The following MYOT variants were observed in gnomAD, a reference collection of about 807,000 sequenced individuals.
The protein encoded by MYOT is 57 kDa cytoskeletal protein.
In MYOT, 36 loss-of-function variants were observed where a neutral mutation model predicts 58.0. The ratio of observed to expected loss-of-function variants is 0.62; its 90% CI spans 0.48 to 0.82. The LOEUF is 0.82. MYOT is among the 40% of genes least tolerant of loss of function. The pLI is 0.00. For missense variants in MYOT, 505 were observed against 592.1 expected (o/e 0.85, Z 1.53); for synonymous variants, 218 against 204.6 (o/e 1.07, Z -0.56).
intron 2 of MYOT, among the ~76,000 whole-genome samples, chr5:137,873,295 G>C (rs1755107163): frequency 6.6e-6 from 1 of 151,554 alleles, no homozygotes; most frequent in Non-Finnish European, 1.5e-5. Context: ...GGGAGGCCAA[G>C]GTGGATGGAT....
chr5:137,871,106 C>A, intron 2 of MYOT, 99 bp downstream of exon 2: 1 of 1,028,858 alleles, frequency 9.7e-7, no homozygotes. Flanking sequence ...TCATTCTTTA[C>A]TATCTAAAAA....
At chr5:137,885,673 G>A (rs1223788892) in intron 7 of MYOT, among the ~76,000 whole-genome samples, 1 of 150,066 alleles carries the variant, frequency 6.7e-6, no homozygotes, top group East Asian at 2.0e-4. Context: ...TCAGGAGGCT[G>A]TGGCAGGAGA....
chr5:137,871,553 C>G (rs1361016594), intron 2 of MYOT, among the ~76,000 whole-genome samples: 1 of 152,018 alleles, frequency 6.6e-6, no homozygotes, highest in African/African-American at 2.4e-5. Flanking sequence ...GAACTCAGAC[C>G]CTGGAATGTA....
At chr5:137,873,576 T>C (rs1170361911) in intron 2 of MYOT, among the ~76,000 whole-genome samples, 1 of 152,028 alleles carries the variant, frequency 6.6e-6, no homozygotes, top group African/African-American at 2.4e-5. Flanking sequence ...ATTATAATTC[T>C]ATACGATTGA....
chr5:137,880,124 C>T (rs1215176752), intron 4 of MYOT, among the ~76,000 whole-genome samples: 1 of 152,130 alleles, frequency 6.6e-6, no homozygotes, highest in African/African-American at 2.4e-5. Flanking sequence ...CAGTGAAACG[C>T]AAAATACACA....
chr5:137,883,752 A>G (rs1204829837), intron 7 of MYOT, 161 bp downstream of exon 7: 1 of 643,102 alleles, frequency 1.6e-6, no homozygotes, highest in Non-Finnish European at 2.7e-6. Flanking sequence ...AGGAAAAAAT[A>G]TATATATATA....
chr5:137,873,749 T>C (rs1755121545), intron 2 of MYOT, among the ~76,000 whole-genome samples: 2 of 152,308 alleles, frequency 1.3e-5, no homozygotes, highest in East Asian at 3.9e-4. Context: ...TCTTAAGACC[T>C]GAAATGTCAG....
intron 7 of MYOT, 41 bp from the exon 8 acceptor site, chr5:137,886,007 T>G (rs771211277): frequency 1.5e-6 from 2 of 1,350,406 alleles, no homozygotes; most frequent in Non-Finnish European, 1.0e-6. Flanking sequence ...ATACCTTTTT[T>G]ATAATATTTC....
At chr5:137,883,738 C>A in intron 7 of MYOT, 147 bp downstream of exon 7, 2 of 695,098 alleles carry the variant, frequency 2.9e-6, no homozygotes, top group Non-Finnish European at 5.0e-6. Context: ...TATCTACAAA[C>A]CACAGGAAAA....
In MYOT at chr5:137,870,677, A is replaced by T; in HGVS notation, c.26A>T (p.His9Leu). The change falls in exon 2 of 10, where the codon CAC becomes CTC. Residue 9 changes from histidine to leucine, a missense_variant. Coordinates refer to ENST00000239926, the MANE Select transcript of MYOT (RefSeq NM_006790.3). Reference sequence around the variant, plus strand: ...ATGTTTAACTACGAACGTCCAAAACACTTCATCCAGTCCCAAAACCCATGT... The same window carrying T: ...ATGTTTAACTACGAACGTCCAAAACTCTTCATCCAGTCCCAAAACCCATGT... The part of the protein sequence containing the change: MFNYERPK[H>L]FIQSQNPCGS... The T allele has an allele frequency of 6.2e-7, 1 of 1,614,174 alleles. No individual in the cohort carries two copies. Among genetic ancestry groups the T allele is most frequent in the Non-Finnish European group, 8.5e-7 (1 of 1,180,030 alleles).
intron 3 of MYOT, among the ~76,000 whole-genome samples, chr5:137,876,938 T>A (rs1410757610): frequency 2.0e-5 from 3 of 151,972 alleles, no homozygotes; most frequent in African/African-American, 7.3e-5. Flanking sequence ...ACTTAGGAGA[T>A]CCTTATTTAA....
intron 7 of MYOT, among the ~76,000 whole-genome samples, chr5:137,884,262 G>A (rs146846248): frequency 3.3e-5 from 5 of 152,272 alleles, no homozygotes; most frequent in South Asian, 2.1e-4. Context: ...GGCTAAGGCA[G>A]GAGGATAACT....
chr5:137,887,605 A>G lies in MYOT; in HGVS notation c.*220A>G. On this transcript the variant is annotated 3_prime_UTR_variant, in exon 10 of 10. Transcript: ENST00000239926. ...AGGAAATCTGGGTATATGGATTTGT[A>G]ACTGCAGAAGACTATCTTAAAATAC... 1 of 251,476 alleles carries G rather than the reference A, an allele frequency of 4.0e-6. No individual in the cohort carries two copies. The allele number at this position is 251,476 out of a possible 1,614,324, so 15.6% of individuals were successfully genotyped here. A position where few individuals can be genotyped will look rare whatever the true frequency, so the allele number is the denominator to read the frequency against.
At chr5:137,885,076 A>G (rs1755552964) in intron 7 of MYOT, among the ~76,000 whole-genome samples, 1 of 152,220 alleles carries the variant, frequency 6.6e-6, no homozygotes, top group Admixed American at 6.5e-5. Context: ...CTACAATAGT[A>G]GAGCTGAAAG....
At chr5:137,878,298 A>G (rs1308610683) in intron 4 of MYOT, among the ~76,000 whole-genome samples, 1 of 151,572 alleles carries the variant, frequency 6.6e-6, no homozygotes, top group African/African-American at 2.4e-5. Context: ...GCACACTGCA[A>G]ACTCCACCTC....
intron 2 of MYOT, 117 bp downstream of exon 2, chr5:137,871,124 T>A: frequency 1.1e-6 from 1 of 874,374 alleles, no homozygotes; most frequent in Non-Finnish European, 1.8e-6. Context: ...AAAGGCAATG[T>A]GACCTTACAG....
intron 7 of MYOT, among the ~76,000 whole-genome samples, chr5:137,885,771 CAAAAAAAAAAAAAAAAAAAAAA>C (rs71583286): frequency 3.2e-5 from 1 of 30,974 alleles, no homozygotes; most frequent in African/African-American, 1.0e-4. Context: ...GACTCTGTCT[CAAAAAAAAAAAAAAAAAAAAAA>C]AAAAAAAAGA....
At chr5:137,871,043 C>T (rs760889363) in intron 2 of MYOT, 36 bp downstream of exon 2, 2 of 1,571,070 alleles carry the variant, frequency 1.3e-6, no homozygotes, top group Non-Finnish European at 1.7e-6. Flanking sequence ...GTACAGTGAA[C>T]TTATATCTGA....
At chr5:137,875,256 A>G (rs554800759) in intron 2 of MYOT, among the ~76,000 whole-genome samples, 1 of 152,356 alleles carries the variant, frequency 6.6e-6, no homozygotes, top group Non-Finnish European at 1.5e-5. Context: ...AAAATAAAAT[A>G]GAGCATGTTC....
Sources: allele counts gnomAD v4.1 joint callset (sites outside exome capture counted in the v4.1 genomes callset), GRCh38; gene constraint gnomAD v4.1.1; transcripts MANE v1.5; gene names NCBI Gene and HGNC (gene_info 2026-07-23, HGNC 2026-07-21).